Variants in RGPD4 observed in about 807,000 individuals in gnomAD.
RGPD4 encodes the protein ranBP2-like and GRIP domain-containing protein 4.
In RGPD4, 84 loss-of-function variants were observed where a neutral mutation model predicts 141.1. That is an observed-to-expected ratio of 0.60 (90% confidence interval 0.50 to 0.71). The LOEUF is 0.71. Ranked by LOEUF, RGPD4 falls within the 30% of genes least tolerant of loss-of-function variation. The pLI is 0.00. For synonymous variants in RGPD4, 298 were observed against 566.8 expected, an observed-to-expected ratio of 0.53 and a Z score of 6.74; for missense variants, 918 against 1,622.4, an observed-to-expected ratio of 0.57 and a Z score of 7.46.
chr2:107,873,461 C>T (rs1683000248), intron 20 of RGPD4, among the ~76,000 whole-genome samples: 1 of 145,192 alleles, frequency 6.9e-6, no homozygotes, highest in Non-Finnish European at 1.5e-5. Flanking sequence ...TAATTAGCAG[C>T]TACTCAGGAG....
In RGPD4 at chr2:107,859,392, G is replaced by T; in HGVS notation, c.1472G>T (p.Gly491Val). ...CILDLEVFLL[G>V]VVYTSHLQLK... ...TAAATAAAACAGGTATTTCTCCTTG[G>T]AGTAGTATATACCAGCCACTTACAA... Residue 491 changes from glycine to valine, a missense_variant, in exon 11 of 23, where the codon GGA becomes GTA. Physicochemically the swap from Gly to Val is moderately radical, Grantham distance 109. Transcript: ENST00000408999. 1.9e-6 allele frequency: 3 copies of T among 1,608,812 alleles called. No individual in the cohort carries two copies. The highest frequency in any genetic ancestry group is 2.7e-5 in the African/African-American group (2 of 72,918).
At chr2:107,886,054 CAAAAA>C (rs199917332) in intron 22 of RGPD4, among the ~76,000 whole-genome samples, 3 of 126,958 alleles carry the variant, frequency 2.4e-5, no homozygotes, top group South Asian at 2.6e-4. Context: ...ACTCTTATCT[CAAAAA>C]AAAAAAAAAA....
At chr2:107,873,739 A>G (rs1251813638) in intron 20 of RGPD4, among the ~76,000 whole-genome samples, 3 of 151,800 alleles carry the variant, frequency 2.0e-5, no homozygotes, top group Non-Finnish European at 4.4e-5. Context: ...CTGGCTTTTT[A>G]TGTTTTAAAA....
intron 22 of RGPD4, among the ~76,000 whole-genome samples, chr2:107,885,104 A>G (rs1392568470): frequency 4.6e-5 from 7 of 152,092 alleles, no homozygotes; most frequent in Non-Finnish European, 1.0e-4. Context: ...AAGGGCCCAA[A>G]TAAGAATACA....
chr2:107,874,194 C>A (rs528063342), intron 20 of RGPD4, among the ~76,000 whole-genome samples: 2 of 151,740 alleles, frequency 1.3e-5, no homozygotes, highest in East Asian at 1.9e-4. Flanking sequence ...CCAGTATTCA[C>A]ATGTAGTGGC....
rs553116626 is a variant in RGPD4, at chr2:107,826,951, T to A, written c.-63T>A. 1.3e-6 allele frequency: 2 copies of A among 1,555,444 alleles called. No individual in the cohort carries two copies. Among genetic ancestry groups the A allele is most frequent in the East Asian group, 2.4e-5 (1 of 41,384 alleles). The stretch of plus-strand genomic sequence containing the variant: ...GCTTTCAGGCGCTTTCCTGTTGGAA[T>A]TGGCGACTGCTGCGGGGCTGAGCGC... On this transcript the variant is annotated 5_prime_UTR_variant, in exon 1 of 23. It adds an upstream start codon to the 5' untranslated region. Transcript: ENST00000408999.
chr2:107,883,655 A>G (rs1163298755), intron 22 of RGPD4, among the ~76,000 whole-genome samples: 5 of 132,516 alleles, frequency 3.8e-5, no homozygotes, highest in Admixed American at 3.0e-4. Context: ...ACAAAAAACT[A>G]TGATGTAGTT....
Position 107,847,696 on chromosome 2 carries a change from G to T in RGPD4, c.783-645G>T, listed in dbSNP as rs1456517082. ...AAAGTTTATCGGGGCATGGTGGCAG[G>T]TGCCTGTAATCCCAGCTACTCAGGA... On this transcript the variant is annotated intron_variant, in intron 6 of 22. Transcript: ENST00000408999. Among the ~76,000 whole-genome samples, 2 of 64,364 alleles carry T rather than the reference G, an allele frequency of 3.1e-5. 1 individual carries two copies. The highest frequency in any genetic ancestry group is 6.4e-5 in the Non-Finnish European group (2 of 31,480). 42.2% of individuals were successfully genotyped at this position (64,364 alleles called of 152,430 possible).
intron 22 of RGPD4, among the ~76,000 whole-genome samples, chr2:107,885,513 G>A (rs1346701446): frequency 1.3e-5 from 2 of 152,072 alleles, no homozygotes; most frequent in Non-Finnish European, 2.9e-5. Context: ...TAACCTAAGG[G>A]ATACCAAGAA....
rs755596224 is a variant in RGPD4, at chr2:107,871,221, G to A, written c.3217G>A (p.Glu1073Lys). ...QGVKLFRFDA[E>K]VRQWKERGLG... is the part of the protein sequence containing the mutation. ...GGTAAAACTATTTAGATTTGATGCT[G>A]AGGTAAGGCAGTGGAAAGAAAGGGG... The change falls in exon 20 of 23, where the codon GAG becomes AAG. Residue 1073 changes from glutamate to lysine, a missense_variant. By Grantham distance (56) the Glu-to-Lys change is moderately conservative. Transcript: ENST00000408999. The A allele has an allele frequency of 3.7e-6, 6 of 1,609,496 alleles. No homozygotes were observed. In the South Asian group the frequency reaches 5.5e-5, roughly 15 times the overall value.
At chr2:107,881,064 A>G (rs1275542301) in intron 21 of RGPD4, among the ~76,000 whole-genome samples, 2 of 151,160 alleles carry the variant, frequency 1.3e-5, no homozygotes, top group Admixed American at 1.3e-4. Context: ...TCTGAAAAGT[A>G]CATGCTTTTC....
At chr2:107,854,389 A>G (rs1303142695) in intron 7 of RGPD4, among the ~76,000 whole-genome samples, 167 bp from the exon 8 acceptor site, 7 of 152,032 alleles carry the variant, frequency 4.6e-5, no homozygotes, top group African/African-American at 1.7e-4. Context: ...TTCATAGGTT[A>G]TATAAATTCC....
intron 1 of RGPD4, among the ~76,000 whole-genome samples, chr2:107,830,962 C>T (rs1324666110): frequency 5.9e-5 from 9 of 152,246 alleles, no homozygotes; most frequent in African/African-American, 9.6e-5. Flanking sequence ...AATCTGAGCA[C>T]TTTGGGAGGC....
chr2:107,877,735 A>G lies in RGPD4; in HGVS notation c.4925-2233A>G, dbSNP rs13394000. On this transcript the variant is annotated intron_variant, in intron 20 of 22. Transcript: ENST00000408999. ...TATGAGCTGTGTTATCTAACAGTTT[A>G]TCTTAGCTAGTAGCAATTAATTTAT... 2.0e-3 allele frequency among the ~76,000 whole-genome samples: 311 copies of G among 151,784 alleles called. 1 individual carries two copies. The highest frequency in any genetic ancestry group is 6.8e-3 in the Middle Eastern group (2 of 294).
intron 1 of RGPD4, among the ~76,000 whole-genome samples, chr2:107,830,504 C>T (rs905556874): frequency 7.9e-5 from 12 of 152,168 alleles, no homozygotes; most frequent in South Asian, 6.2e-4. Flanking sequence ...AACATTTTGA[C>T]GATTGGTTAT....
At chr2:107,877,053 C>T (rs1471836886) in intron 20 of RGPD4, among the ~76,000 whole-genome samples, 1 of 151,728 alleles carries the variant, frequency 6.6e-6, no homozygotes, top group African/African-American at 2.4e-5. Context: ...AGTCAATAAA[C>T]CAATACATGT....
In RGPD4 at chr2:107,891,494, T is replaced by TA. The variant is rs1485247498; in HGVS notation, c.*764dup. Among the ~76,000 whole-genome samples the TA allele has an allele frequency of 6.5e-5, 7 of 107,170 alleles. No homozygotes were observed. Among genetic ancestry groups the TA allele is most frequent in the African/African-American group, 2.6e-4 (6 of 22,690 alleles). 70.3% of individuals were successfully genotyped at this position (107,170 alleles called of 152,430 possible). ...TGCAGTTAATTGTGCTAAGTTAAAA[T>TA]ACAGTTTAGTTATTTGCTTTAAAAT... is the stretch of plus-strand genomic sequence containing the variant. On this transcript the variant is annotated 3_prime_UTR_variant, in exon 23 of 23. Coordinates refer to ENST00000408999, the MANE Select transcript of RGPD4 (RefSeq NM_182588.3).
intron 6 of RGPD4, among the ~76,000 whole-genome samples, chr2:107,844,090 G>C (rs976824759): frequency 2.0e-5 from 3 of 147,794 alleles, no homozygotes; most frequent in African/African-American, 7.3e-5. Flanking sequence ...AGGTTCATCT[G>C]TCATCAGATG....
chr2:107,884,525 G>A (rs1675457460), intron 22 of RGPD4, among the ~76,000 whole-genome samples: 1 of 147,280 alleles, frequency 6.8e-6, no homozygotes, highest in South Asian at 2.2e-4. Context: ...ATCATTACAG[G>A]GTAACACTGA....
Sources: gnomAD v4.1 joint callset for allele counts (sites outside exome capture counted in the v4.1 genomes callset) on GRCh38, gnomAD v4.1.1 for gene constraint, MANE v1.5 for transcripts, NCBI Gene and HGNC (gene_info 2026-07-23, HGNC 2026-07-21) for gene names.